Variants in ITPR3 observed in about 807,000 individuals in gnomAD.
ITPR3 encodes the protein inositol 1,4,5-trisphosphate-gated calcium channel ITPR3.
In ITPR3, 173 loss-of-function variants were observed where a neutral mutation model predicts 293.2. That is an observed-to-expected ratio of 0.59 (90% CI 0.52 to 0.67). ITPR3 has a LOEUF of 0.67. Ranked by LOEUF, ITPR3 falls within the 30% of genes least tolerant of loss-of-function variation. The pLI, the probability that ITPR3 is intolerant of heterozygous loss-of-function variation, is 0.00. For synonymous variants in ITPR3, 1,295 were observed against 1,444.4 expected (o/e 0.90, Z 2.35); for missense variants, 2,796 against 3,592.1 (o/e 0.78, Z 5.66).
Position 33,680,110 on chromosome 6 carries a change from A to G in ITPR3, c.4201A>G (p.Thr1401Ala). 1 of 1,613,476 alleles carries G rather than the reference A, an allele frequency of 6.2e-7. No homozygotes were observed. Among genetic ancestry groups the G allele is most frequent in the Non-Finnish European group, 8.5e-7 (1 of 1,179,942 alleles). Residue 1401 changes from threonine (T) to alanine (A), a missense_variant, in exon 31 of 58, where the codon ACG becomes GCG. Coordinates refer to ENST00000605930, the MANE Select transcript of ITPR3 (RefSeq NM_002224.4). ...GCTGGAGGACGTGGTGTCTGTGGTG[A>G]CGCATGAGGACTGCATCACTGAGGT... Reference protein sequence around the residue: ...LPLEDVVSVVTHEDCITEVKM... With the variant: ...LPLEDVVSVVAHEDCITEVKM...
Position 33,695,943 on chromosome 6 carries a change from A to C in ITPR3, c.*163A>C. The C allele has an allele frequency of 1.6e-6, 1 of 638,606 alleles. No homozygotes were observed. Among genetic ancestry groups the C allele is most frequent in the Non-Finnish European group, 2.8e-6 (1 of 361,278 alleles). 39.6% of individuals were successfully genotyped at this position (638,606 alleles called of 1,614,324 possible). ...CCCACCCAGGCTTTGAAGAGCATGG[A>C]GGGGGAGCCTCAGAGCTGACAGTCC... On this transcript the variant is annotated 3_prime_UTR_variant, in exon 58 of 58. Transcript: ENST00000605930.
Position 33,692,440 on chromosome 6 carries a change from C to A in ITPR3, c.7459-288C>A, listed in dbSNP as rs1414407615. Among the ~76,000 whole-genome samples, 2 of 152,146 alleles carry A rather than the reference C, an allele frequency of 1.3e-5. No homozygotes were observed. The highest frequency in any genetic ancestry group is 1.3e-4 in the Admixed American group (2 of 15,276). ...TGTTAGGGGCAGAGACACACCGAGA[C>A]TCGTAGCCCTACCTCCCCGCCAGAC... On this transcript the variant is annotated intron_variant, in intron 54 of 57. Coordinates refer to ENST00000605930, the MANE Select transcript of ITPR3 (RefSeq NM_002224.4). The surrounding 1 kb of genome is among the most constrained non-coding windows in gnomAD (Gnocchi z 4.2).
At position 33,692,030 on chromosome 6, in the gene ITPR3, G is replaced by A. The variant is rs557902247; in HGVS notation, c.7458+102G>A. On this transcript the variant is annotated intron_variant, in intron 54 of 57. Coordinates refer to ENST00000605930, the MANE Select transcript of ITPR3 (RefSeq NM_002224.4). This position sits in a 1 kb window ranked among gnomAD's most constrained non-coding sequence, Gnocchi z 4.2. Reference sequence around the variant, plus strand: ...CTTGGCCTCGCGTCAGATATTCAGGGTTGAACCCCCTCCCCCGAACTTGTA... The same window carrying A: ...CTTGGCCTCGCGTCAGATATTCAGGATTGAACCCCCTCCCCCGAACTTGTA... The A allele has an allele frequency of 3.8e-5, 57 of 1,484,542 alleles. 1 individual carries two copies. In the Admixed American group the frequency reaches 6.4e-4, roughly 17 times the overall value. 92.0% of individuals were successfully genotyped at this position (1,484,542 alleles called of 1,614,324 possible).
Position 33,683,346 on chromosome 6 carries a change from C to T in ITPR3, c.4737C>T (p.Val1579=). ...YKATTRAFPR[V]TPTANQWDYK... ...CAACCACGCGGGCCTTCCCCCGCGTCACCCCCACCGCCAACCAGTGGGACT... is the reference window on the plus strand; with the variant it reads ...CAACCACGCGGGCCTTCCCCCGCGTTACCCCCACCGCCAACCAGTGGGACT... Residue 1579 remains valine, a synonymous_variant, in exon 35 of 58, where the codon GTC becomes GTT. Transcript: ENST00000605930. The surrounding 1 kb of genome is among the most constrained non-coding windows in gnomAD (Gnocchi z 4.5). The T allele has an allele frequency of 1.3e-6, 2 of 1,596,242 alleles. No homozygotes were observed. The highest frequency in any genetic ancestry group is 1.7e-6 in the Non-Finnish European group (2 of 1,171,898).
At chr6:33,659,872 C>T (rs185151752) in intron 7 of ITPR3, among the ~76,000 whole-genome samples, 1 of 152,158 alleles carries the variant, frequency 6.6e-6, no homozygotes, top group African/African-American at 2.4e-5. Flanking sequence ...CCTTCCTCTC[C>T]CCAACTCCTG....
Position 33,686,202 on chromosome 6 carries a change from G to T in ITPR3, c.5817G>T (p.Gln1939His). 1 of 1,614,084 alleles carries T rather than the reference G, an allele frequency of 6.2e-7. No homozygotes were observed. Among genetic ancestry groups the T allele is most frequent in the Non-Finnish European group, 8.5e-7 (1 of 1,180,024 alleles). Residue 1939 changes from glutamine to histidine, a missense_variant, in exon 42 of 58, where the codon CAG becomes CAT. Around this residue, in one of 8 missense-constraint regions of ITPR3, gnomAD observed 704 missense variants for 797.5 expected, o/e 0.88. Coordinates refer to ENST00000605930, the MANE Select transcript of ITPR3 (RefSeq NM_002224.4). ...AGGACAACGTGGGCCTCGTCATCCAGACCTTGGAGACCCTCACTGAGTACT... is the reference window on the plus strand; with the variant it reads ...AGGACAACGTGGGCCTCGTCATCCATACCTTGGAGACCCTCACTGAGTACT... ...INEDNVGLVI[Q>H]TLETLTEYCQ...
At chr6:33,665,759 G>T in intron 13 of ITPR3, 76 bp from the exon 14 acceptor site, 1 of 1,545,172 alleles carries the variant, frequency 6.5e-7, no homozygotes, top group South Asian at 1.1e-5. Context: ...CATGTTTTGG[G>T]AGGGACTGGC....
chr6:33,677,374 T>C (rs2127294824), intron 27 of ITPR3, 130 bp from the exon 28 acceptor site: 1 of 1,294,330 alleles, frequency 7.7e-7, no homozygotes, highest in Middle Eastern at 2.4e-4. Flanking sequence ...TGCAAGGGTC[T>C]GATTCAGCGC....
intron 2 of ITPR3, among the ~76,000 whole-genome samples, chr6:33,646,000 G>T (rs11754396): frequency 0.16 from 24,689 of 151,950 alleles, 2,197 homozygotes; most frequent in Non-Finnish European, 0.21. Context: ...ACCACACCTG[G>T]CTAATTTTTG....
Position 33,630,778 on chromosome 6 carries a change from T to G in ITPR3, c.89+9087T>G, listed in dbSNP as rs536076619. The stretch of plus-strand genomic sequence containing the variant: ...TTGGGTTCTCTGCGTGTGCGGCTTA[T>G]TGTCCTTTCTAGACTTTAAGCTTTC... On this transcript the variant is annotated intron_variant, in intron 1 of 57. Transcript: ENST00000605930. 1.9e-3 allele frequency among the ~76,000 whole-genome samples: 294 copies of G among 152,368 alleles called. 1 individual carries two copies. Among genetic ancestry groups the G allele is most frequent in the Non-Finnish European group, 2.4e-3 (166 of 68,040 alleles).
In ITPR3 at chr6:33,664,644, G is replaced by A. The variant is rs1764561859; in HGVS notation, c.1149-226G>A. 6.6e-6 allele frequency among the ~76,000 whole-genome samples: 1 copy of A among 152,218 alleles called. No homozygotes were observed. Among genetic ancestry groups the A allele is most frequent in the Non-Finnish European group, 1.5e-5 (1 of 68,038 alleles). ...TGGAAGCGTGGACAAGGCTGCCCGTGTCAGTGCAGTGGTCAGGACGGGGCC... is the reference window on the plus strand; with the variant it reads ...TGGAAGCGTGGACAAGGCTGCCCGTATCAGTGCAGTGGTCAGGACGGGGCC... On this transcript the variant is annotated intron_variant, in intron 11 of 57. Transcript: ENST00000605930. The surrounding 1 kb of genome is among the most constrained non-coding windows in gnomAD (Gnocchi z 4.4).
chr6:33,623,487 G>A (rs1316181169), intron 1 of ITPR3, among the ~76,000 whole-genome samples: 3 of 151,664 alleles, frequency 2.0e-5, no homozygotes, highest in East Asian at 1.9e-4. Flanking sequence ...CACCACACCC[G>A]GCTAATTTTT....
At position 33,664,755 on chromosome 6, in the gene ITPR3, T is replaced by A. The variant is rs1009488250; in HGVS notation, c.1149-115T>A. On this transcript the variant is annotated intron_variant, in intron 11 of 57. Coordinates refer to ENST00000605930, the MANE Select transcript of ITPR3 (RefSeq NM_002224.4). The surrounding 1 kb of genome is among the most constrained non-coding windows in gnomAD (Gnocchi z 4.4). ...ACCAGTGGCTCCTGTCCCACAGCTG[T>A]TGAGGGTGTGGAGTAGGGTGGCAGC... 7 of 819,052 alleles carry A rather than the reference T, an allele frequency of 8.5e-6. No individual in the cohort carries two copies. The highest frequency in any genetic ancestry group is 6.7e-5 in the African/African-American group (4 of 59,430). 50.7% of individuals were successfully genotyped at this position (819,052 alleles called of 1,614,324 possible). A position where few individuals can be genotyped will look rare whatever the true frequency, so the allele number is the denominator to read the frequency against.
rs763608971 is a variant in ITPR3 at position 33,667,317 on chromosome 6, C to T, written c.1713+27C>T. On this transcript the variant is annotated intron_variant, in intron 15 of 57. Transcript: ENST00000605930. This position sits in a 1 kb window ranked among gnomAD's most constrained non-coding sequence, Gnocchi z 4.4. ...TGCGCCGCTGCCCTGCTGGCCCACT[C>T]GCTGGCTGCACGTTCCTTCCTCAGC... is the stretch of plus-strand genomic sequence containing the variant. The T allele has an allele frequency of 4.4e-6, 7 of 1,603,732 alleles. No homozygotes were observed. Among genetic ancestry groups the T allele is most frequent in the East Asian group, 4.5e-5 (2 of 44,460 alleles).
At chr6:33,659,611 C>T in intron 7 of ITPR3, 62 bp downstream of exon 7, 1 of 1,388,446 alleles carries the variant, frequency 7.2e-7, no homozygotes, top group Non-Finnish European at 1.0e-6. Flanking sequence ...CCAGGGCCCT[C>T]TTCCTGCCTT....
In ITPR3 at chr6:33,672,602, C is replaced by G. The variant is rs369334479; in HGVS notation, c.2928+374C>G. 6.6e-6 allele frequency among the ~76,000 whole-genome samples: 1 copy of G among 152,160 alleles called. No homozygotes were observed. The highest frequency in any genetic ancestry group is 1.9e-4 in the East Asian group (1 of 5,198). On this transcript the variant is annotated intron_variant, in intron 22 of 57. Transcript: ENST00000605930. This position sits in a 1 kb window ranked among gnomAD's most constrained non-coding sequence, Gnocchi z 5.0. ...AAAAAGAAAAACAGAAATGCACATT[C>G]TCCGGCCCCACCCTAGACCTACTGA...
chr6:33,676,406 A>T (rs1328158162), intron 25 of ITPR3, among the ~76,000 whole-genome samples: 1 of 152,184 alleles, frequency 6.6e-6, no homozygotes, highest in Non-Finnish European at 1.5e-5. Context: ...TGGCAGTCAG[A>T]CGCAGGCCTG....
chr6:33,693,851 G>C (rs1765462236), intron 56 of ITPR3, 146 bp downstream of exon 56: 3 of 931,872 alleles, frequency 3.2e-6, no homozygotes, highest in Non-Finnish European at 4.8e-6. Context: ...GCCCTAGGAG[G>C]CCAGGCAGAG....
intron 18 of ITPR3, 23 bp downstream of exon 18, chr6:33,669,179 C>T: frequency 6.2e-7 from 1 of 1,606,302 alleles, no homozygotes; most frequent in Non-Finnish European, 8.5e-7. Context: ...AGCTCCTCCC[C>T]TCCCTCTTCC....
Sources: allele counts gnomAD v4.1 joint callset (sites outside exome capture counted in the v4.1 genomes callset), GRCh38; gene constraint gnomAD v4.1.1; regional missense constraint gnomAD v4.1.1; non-coding constraint Gnocchi (gnomAD v3.1); transcripts MANE v1.5; gene names NCBI Gene and HGNC (gene_info 2026-07-23, HGNC 2026-07-21).